Variants in DACH1 observed in about 807,000 individuals in gnomAD.
DACH1 encodes dachshund family transcription factor 1, also known as dachshund homolog 1.
A neutral mutation model predicts 54.2 loss-of-function variants in DACH1; 12 were observed. That is an observed-to-expected ratio of 0.22 (90% CI 0.14 to 0.36). The LOEUF is 0.36. Ranked by LOEUF, DACH1 falls within the 10% of genes least tolerant of loss-of-function variation. The pLI is 1.00. For synonymous variants in DACH1, 386 were observed against 366.2 expected, an observed-to-expected ratio of 1.05 and a Z score of -0.62; for missense variants, 805 against 929.8, an observed-to-expected ratio of 0.87 and a Z score of 1.75.
intron 1 of DACH1, among the ~76,000 whole-genome samples, chr13:71,759,020 G>A (rs995628401): frequency 6.6e-6 from 1 of 151,886 alleles, no homozygotes; most frequent in African/African-American, 2.4e-5. Context: ...AGGGAGCATG[G>A]GGAGTGTTTA....
intron 2 of DACH1, among the ~76,000 whole-genome samples, chr13:71,652,188 C>G (rs902957898): frequency 8.5e-4 from 130 of 152,290 alleles, no homozygotes; most frequent in African/African-American, 3.0e-3. Flanking sequence ...AACAGTGAGG[C>G]TGCCTCCTCA....
intron 1 of DACH1, among the ~76,000 whole-genome samples, chr13:71,819,340 G>A (rs1460377777): frequency 6.6e-6 from 1 of 152,334 alleles, no homozygotes; most frequent in African/African-American, 2.4e-5. Context: ...AGGCCAAGAA[G>A]GCAGTCCATA....
At chr13:71,802,471 A>T (rs1353160816) in intron 1 of DACH1, among the ~76,000 whole-genome samples, 1 of 152,086 alleles carries the variant, frequency 6.6e-6, no homozygotes, top group African/African-American at 2.4e-5. Flanking sequence ...TTACTGAAAG[A>T]AAGACAAAGA....
At chr13:71,572,741 T>A (rs1182230847) in intron 4 of DACH1, 99 bp downstream of exon 4, 37 of 1,308,136 alleles carry the variant, frequency 2.8e-5, no homozygotes, top group Non-Finnish European at 3.8e-5. Context: ...ATCACTTAGC[T>A]TTTTAGAGTT....
At chr13:71,659,891 A>G (rs954756409) in intron 2 of DACH1, among the ~76,000 whole-genome samples, 2 of 152,104 alleles carry the variant, frequency 1.3e-5, no homozygotes, top group Non-Finnish European at 2.9e-5. Flanking sequence ...TTAGATGTTC[A>G]TGTTTCTAAC....
At chr13:71,839,068 T>C (rs1249345431) in intron 1 of DACH1, among the ~76,000 whole-genome samples, 1 of 152,178 alleles carries the variant, frequency 6.6e-6, no homozygotes, top group Non-Finnish European at 1.5e-5. Flanking sequence ...ACAGAAAGAC[T>C]TGCTCTCTGC....
chr13:71,586,786 T>C (rs143762940), intron 3 of DACH1, among the ~76,000 whole-genome samples: 191 of 152,040 alleles, frequency 1.3e-3, no homozygotes, highest in Non-Finnish European at 2.2e-3. Context: ...CAGGAAGAGT[T>C]TTCTCTTCCT....
intron 6 of DACH1, among the ~76,000 whole-genome samples, chr13:71,494,205 T>C (rs1175248848): frequency 1.3e-5 from 2 of 152,170 alleles, no homozygotes; most frequent in Non-Finnish European, 2.9e-5. Flanking sequence ...AATGAAACCA[T>C]TGCAATTTTC....
At chr13:71,859,383 TCAA>T (rs779801972) in intron 1 of DACH1, among the ~76,000 whole-genome samples, 18 of 151,832 alleles carry the variant, frequency 1.2e-4, no homozygotes, top group Non-Finnish European at 2.5e-4. Context: ...TGACTTTGGA[TCAA>T]GTGGTGATTT....
chr13:71,472,965 T>C (rs987406347), intron 10 of DACH1, among the ~76,000 whole-genome samples: 2 of 152,198 alleles, frequency 1.3e-5, no homozygotes, highest in African/African-American at 4.8e-5. Context: ...ATAAAGCTTA[T>C]TGAATAGGGT....
chr13:71,475,292 T>C (rs1877419438), intron 9 of DACH1, 83 bp from the exon 10 acceptor site: 2 of 1,103,758 alleles, frequency 1.8e-6, no homozygotes, highest in Non-Finnish European at 2.7e-6. Context: ...CCTGTTACTT[T>C]GGTGCTGAAT....
intron 3 of DACH1, among the ~76,000 whole-genome samples, chr13:71,594,736 G>A (rs1351348618): frequency 1.3e-5 from 2 of 151,816 alleles, no homozygotes; most frequent in Non-Finnish European, 2.9e-5. Context: ...TCAACAAACC[G>A]GCCCCTAGTT....
Position 71,771,715 on chromosome 13 carries a change from A to T in DACH1, c.849-89805T>A, listed in dbSNP as rs73525449. Among the ~76,000 whole-genome samples, 524 of 151,664 alleles carry T rather than the reference A, an allele frequency of 3.5e-3. 1 individual carries two copies. Among genetic ancestry groups the T allele is most frequent in the African/African-American group, 0.012 (506 of 41,526 alleles). ...AAACATTTTTATGGGCTACAAACTC[A>T]TAGAAAGGATTTGAGTAAAATTCTT... On this transcript the variant is annotated intron_variant, in intron 1 of 10. Coordinates refer to ENST00000613252, the MANE Select transcript of DACH1 (RefSeq NM_080759.6).
At chr13:71,449,573 A>G (rs551027020) in intron 10 of DACH1, among the ~76,000 whole-genome samples, 1 of 151,258 alleles carries the variant, frequency 6.6e-6, no homozygotes, top group African/African-American at 2.4e-5. Context: ...TACCTAATGC[A>G]TGCAGGGCTT....
At chr13:71,569,764 TAA>T (rs1885093837) in intron 4 of DACH1, among the ~76,000 whole-genome samples, 1 of 152,220 alleles carries the variant, frequency 6.6e-6, no homozygotes. Context: ...GTTTTAATTT[TAA>T]GTCTTGTCAT....
intron 1 of DACH1, among the ~76,000 whole-genome samples, chr13:71,713,375 C>T (rs1395030361): frequency 1.3e-5 from 2 of 152,058 alleles, no homozygotes; most frequent in Non-Finnish European, 2.9e-5. Context: ...GTGCATAAAA[C>T]ATGGACTAAA....
At chr13:71,764,994 C>T (rs1243241304) in intron 1 of DACH1, among the ~76,000 whole-genome samples, 1 of 152,170 alleles carries the variant, frequency 6.6e-6, no homozygotes, top group Non-Finnish European at 1.5e-5. Flanking sequence ...TTTAGCTCTT[C>T]CTTGTCTCTC....
chr13:71,836,652 A>G (rs550032538), intron 1 of DACH1, among the ~76,000 whole-genome samples: 1 of 152,196 alleles, frequency 6.6e-6, no homozygotes, highest in Non-Finnish European at 1.5e-5. Context: ...GCAAAGAAAA[A>G]TAAGCTCTGT....
intron 2 of DACH1, among the ~76,000 whole-genome samples, chr13:71,670,848 A>G (rs1360427791): frequency 6.6e-6 from 1 of 152,060 alleles, no homozygotes; most frequent in Non-Finnish European, 1.5e-5. Flanking sequence ...ATTTTGATGT[A>G]ATAAAAAGAT....
Sources: allele counts gnomAD v4.1 joint callset (sites outside exome capture counted in the v4.1 genomes callset), GRCh38; gene constraint gnomAD v4.1.1; transcripts MANE v1.5; gene names NCBI Gene and HGNC (gene_info 2026-07-23, HGNC 2026-07-21).